GLI3: variants seen among roughly 807,000 people sequenced by gnomAD.
The protein encoded by GLI3 is GLI family zinc finger 3.
A neutral mutation model predicts 100.8 loss-of-function variants in GLI3; 20 were observed. That is an observed-to-expected ratio of 0.20 (90% confidence interval 0.14 to 0.29). The LOEUF is 0.29. Ranked by LOEUF, GLI3 falls within the 10% of genes least tolerant of loss-of-function variation. The pLI is 1.00. For synonymous variants in GLI3, 938 were observed against 860.5 expected (o/e 1.09, Z -1.58); for missense variants, 2,040 against 2,128.5 (o/e 0.96, Z 0.82).
At chr7:42,160,442 A>T (rs938182375) in intron 2 of GLI3, among the ~76,000 whole-genome samples, 8 of 152,212 alleles carry the variant, frequency 5.3e-5, no homozygotes, top group Admixed American at 3.3e-4. Context: ...CTTCACATAC[A>T]CCTCATATCC....
At chr7:42,102,219 T>A (rs1785479890) in intron 3 of GLI3, among the ~76,000 whole-genome samples, 1 of 152,130 alleles carries the variant, frequency 6.6e-6, no homozygotes, top group African/African-American at 2.4e-5. Flanking sequence ...GATGGCTGGG[T>A]CAAATGGTAT....
chr7:42,192,504 A>G lies in GLI3; in HGVS notation c.124+30626T>C, dbSNP rs1304536778. Among the ~76,000 whole-genome samples the G allele has an allele frequency of 2.0e-5, 3 of 152,242 alleles. No individual in the cohort carries two copies. The East Asian group carries it at 5.8e-4, about 29-fold the overall frequency. Reference sequence around the variant, plus strand: ...TAAAATTTAAAACAGCTCATGTATTAAAGTGATGAAATTATATTTGACATC... The same window carrying G: ...TAAAATTTAAAACAGCTCATGTATTGAAGTGATGAAATTATATTTGACATC... On this transcript the variant is annotated intron_variant, in intron 2 of 14. Transcript: ENST00000395925.
chr7:42,041,587 G>A (rs1267097392), intron 6 of GLI3, among the ~76,000 whole-genome samples: 2 of 152,022 alleles, frequency 1.3e-5, no homozygotes, highest in Non-Finnish European at 2.9e-5. Context: ...CAGTTTATAG[G>A]AAAATGGCAA....
At chr7:42,232,098 C>T (rs1032169325) in intron 1 of GLI3, among the ~76,000 whole-genome samples, 9 of 152,006 alleles carry the variant, frequency 5.9e-5, no homozygotes, top group Non-Finnish European at 7.4e-5. Flanking sequence ...AAAATGTACT[C>T]CTGTGCCACC....
At chr7:42,251,121 T>C (rs1789026342) in intron 1 of GLI3, among the ~76,000 whole-genome samples, 1 of 152,204 alleles carries the variant, frequency 6.6e-6, no homozygotes, top group Non-Finnish European at 1.5e-5. Context: ...CCTTGTTAAG[T>C]ACTGTCCTGG....
intron 4 of GLI3, among the ~76,000 whole-genome samples, chr7:42,062,712 G>GACAC (rs10523955): frequency 0.2 from 30,369 of 149,596 alleles, 3,151 homozygotes; most frequent in East Asian, 0.4. Context: ...CACACACACA[G>GACAC]ACACACACAC....
intron 3 of GLI3, among the ~76,000 whole-genome samples, chr7:42,121,276 C>T (rs1173660402): frequency 6.6e-6 from 1 of 152,172 alleles, no homozygotes; most frequent in Non-Finnish European, 1.5e-5. Context: ...TGGGTCCCAG[C>T]CCAAGAGTTT....
At position 42,147,109 on chromosome 7, in the gene GLI3, T is replaced by C. The variant is rs950964970; in HGVS notation, c.367+1117A>G. ...CATCTTTTCCAACAATATAATCTGG[T>C]TGGGGGGGAGGTGGTGCGGGGTAGC... On this transcript the variant is annotated intron_variant, in intron 3 of 14. Coordinates refer to ENST00000395925, the MANE Select transcript of GLI3 (RefSeq NM_000168.6). 3.3e-5 allele frequency among the ~76,000 whole-genome samples: 5 copies of C among 152,090 alleles called. 1 individual carries two copies. The highest frequency in any genetic ancestry group is 1.9e-4 in the East Asian group (1 of 5,174).
chr7:41,975,465 T>C (rs1562665614), intron 12 of GLI3, among the ~76,000 whole-genome samples: 1 of 152,238 alleles, frequency 6.6e-6, no homozygotes, highest in Non-Finnish European at 1.5e-5. Context: ...AAGTCTTGCA[T>C]ATAGAAGAGA....
Position 42,102,822 on chromosome 7 carries a change from C to T in GLI3, c.368-25965G>A, listed in dbSNP as rs551615121. On this transcript the variant is annotated intron_variant, in intron 3 of 14. Transcript: ENST00000395925. ...CATTTGAAACTTTTGTCTTTAACAA[C>T]CCCCTGAATACAAGGATATGGGAGT... Among the ~76,000 whole-genome samples the T allele has an allele frequency of 3.9e-5, 6 of 152,306 alleles. No homozygotes were observed. In the South Asian group the frequency reaches 1.0e-3, roughly 26 times the overall value.
chr7:42,036,016 A>G (rs1789427692), intron 7 of GLI3, among the ~76,000 whole-genome samples: 1 of 152,228 alleles, frequency 6.6e-6, no homozygotes, highest in African/African-American at 2.4e-5. Context: ...ACGTCTAGAC[A>G]ATGCATTTTA....
intron 10 of GLI3, among the ~76,000 whole-genome samples, chr7:42,009,483 T>C (rs1376613013): frequency 1.6e-5 from 1 of 61,710 alleles, no homozygotes; most frequent in African/African-American, 2.9e-4. Context: ...AATTGTTCTT[T>C]TTTTTTTTTT....
At chr7:42,229,130 G>T (rs1788643206) in intron 1 of GLI3, among the ~76,000 whole-genome samples, 1 of 152,208 alleles carries the variant, frequency 6.6e-6, no homozygotes, top group South Asian at 2.1e-4. Flanking sequence ...GTAGGGTGAA[G>T]TCGAACAGCA....
At chr7:41,980,173 G>A (rs1562667909) in intron 10 of GLI3, among the ~76,000 whole-genome samples, 1 of 152,200 alleles carries the variant, frequency 6.6e-6, no homozygotes. Context: ...TGTCCCGTCA[G>A]TAGCTCCAAA....
intron 2 of GLI3, among the ~76,000 whole-genome samples, chr7:42,163,062 C>T (rs1449951192): frequency 7.2e-6 from 1 of 138,424 alleles, no homozygotes; most frequent in Non-Finnish European, 1.5e-5. Flanking sequence ...ACTATCCTCA[C>T]AAACTAGATA....
chr7:42,259,550 T>C (rs1789118514), intron 1 of GLI3, among the ~76,000 whole-genome samples: 1 of 152,222 alleles, frequency 6.6e-6, no homozygotes, highest in Non-Finnish European at 1.5e-5. Context: ...GCCTGACACA[T>C]AGTAAGTTCA....
At chr7:42,188,376 T>C (rs1787761947) in intron 2 of GLI3, among the ~76,000 whole-genome samples, 1 of 152,210 alleles carries the variant, frequency 6.6e-6, no homozygotes, top group African/African-American at 2.4e-5. Flanking sequence ...AAAGGGTAAG[T>C]TGAGTTAGCT....
intron 10 of GLI3, among the ~76,000 whole-genome samples, chr7:41,998,064 A>G (rs1788179567): frequency 6.6e-6 from 1 of 152,140 alleles, no homozygotes; most frequent in African/African-American, 2.4e-5. Flanking sequence ...AGAATTAGGA[A>G]TTCTTTTTGG....
chr7:42,085,567 T>A (rs1229699201), intron 3 of GLI3, among the ~76,000 whole-genome samples: 1 of 152,160 alleles, frequency 6.6e-6, no homozygotes, highest in Non-Finnish European at 1.5e-5. Flanking sequence ...AGCTAAATGA[T>A]CTACCCAGTG....
Sources: gnomAD v4.1 joint callset for allele counts (sites outside exome capture counted in the v4.1 genomes callset) on GRCh38, gnomAD v4.1.1 for gene constraint, MANE v1.5 for transcripts, NCBI Gene and HGNC (gene_info 2026-07-23, HGNC 2026-07-21) for gene names.